CACNA1S: variants seen among roughly 807,000 people sequenced by gnomAD.
CACNA1S encodes calcium voltage-gated channel subunit alpha1 S.
A neutral mutation model predicts 207.4 loss-of-function variants in CACNA1S; 126 were observed. The ratio of observed to expected loss-of-function variants is 0.61; its 90% confidence interval spans 0.53 to 0.70. The LOEUF (loss-of-function observed/expected upper bound fraction) is 0.70. CACNA1S is among the 30% of genes least tolerant of loss of function. The probability of loss-of-function intolerance (pLI) is 0.00; values close to 1 mark genes in which losing one functional copy is unlikely to be tolerated. For synonymous variants in CACNA1S, 960 were observed against 932.7 expected (o/e 1.03, Z -0.53); for missense variants, 2,349 against 2,422.8 (o/e 0.97, Z 0.64).
At chr1:201,096,234 A>G (rs1371541973) in intron 2 of CACNA1S, among the ~76,000 whole-genome samples, 2 of 152,096 alleles carry the variant, frequency 1.3e-5, no homozygotes, top group African/African-American at 4.8e-5. Context: ...TCTTTCCACC[A>G]TACTCCCTCC....
At chr1:201,061,173 C>T in intron 25 of CACNA1S, 94 bp downstream of exon 25, 2 of 1,114,860 alleles carry the variant, frequency 1.8e-6, no homozygotes, top group Non-Finnish European at 2.7e-6. Flanking sequence ...TGGGGTCACC[C>T]TTAGGCCTCT....
intron 22 of CACNA1S, 118 bp downstream of exon 22, chr1:201,065,718 CAT>C: frequency 2.7e-6 from 2 of 732,640 alleles, no homozygotes; most frequent in Non-Finnish European, 5.0e-6. Flanking sequence ...AAAATATTCT[CAT>C]ATGGAAATCT....
intron 36 of CACNA1S, 137 bp downstream of exon 36, chr1:201,048,445 C>A: frequency 1.3e-6 from 1 of 753,780 alleles, no homozygotes. Flanking sequence ...GGACTTTGTG[C>A]CCATGGCCTG....
intron 37 of CACNA1S, 140 bp from the exon 38 acceptor site, chr1:201,047,379 C>A: frequency 1.5e-6 from 2 of 1,335,868 alleles, no homozygotes; most frequent in Non-Finnish European, 2.1e-6. Flanking sequence ...CACTTTCCAT[C>A]CTGAGGTTGG....
chr1:201,050,493 G>A lies in CACNA1S; in HGVS notation c.4137C>T (p.Val1379=), dbSNP rs1020685679. The change falls in exon 34 of 44, where the codon GTC becomes GTT. Residue 1379 remains valine (V), a synonymous_variant. Transcript: ENST00000362061. ...TGAGGTAGTCAAAATTGTCCATGAT[G>A]ACAGCCACAAAGAGGTTGATGACCT... The part of the protein sequence containing the change: ...AFLVINLFVA[V]IMDNFDYLTR... 2.5e-6 allele frequency: 4 copies of A among 1,614,024 alleles called. No homozygotes were observed. Among genetic ancestry groups the A allele is most frequent in the African/African-American group, 2.7e-5 (2 of 74,908 alleles).
chr1:201,107,529 G>A (rs998440909), intron 2 of CACNA1S, among the ~76,000 whole-genome samples: 1 of 152,240 alleles, frequency 6.6e-6, no homozygotes, highest in Non-Finnish European at 1.5e-5. Flanking sequence ...CCCAGTATGT[G>A]CCAGGGATGT....
chr1:201,073,929 T>C (rs1558069844), intron 14 of CACNA1S, among the ~76,000 whole-genome samples: 1 of 152,168 alleles, frequency 6.6e-6, no homozygotes, highest in Non-Finnish European at 1.5e-5. Flanking sequence ...ACTGGGTTTA[T>C]ACGAGATTCA....
chr1:201,088,883 G>A (rs1662124460), intron 6 of CACNA1S, among the ~76,000 whole-genome samples: 1 of 152,188 alleles, frequency 6.6e-6, no homozygotes, highest in African/African-American at 2.4e-5. Context: ...TAGTTATATG[G>A]GAAAGCAGTC....
chr1:201,076,613 C>T lies in CACNA1S; in HGVS notation c.1827+307G>A, dbSNP rs77927843. Among the ~76,000 whole-genome samples, 938 of 152,318 alleles carry T rather than the reference C, an allele frequency of 6.2e-3. 15 individuals carry two copies. Among genetic ancestry groups the T allele is most frequent in the African/African-American group, 0.021 (880 of 41,564 alleles). On this transcript the variant is annotated intron_variant, in intron 12 of 43. Coordinates refer to ENST00000362061, the MANE Select transcript of CACNA1S (RefSeq NM_000069.3). ...GAGACCTGAGTGGCACATGAAAGCA[C>T]GCATCCGGACTCCCAGGCCATCCCT... is the stretch of plus-strand genomic sequence containing the variant.
At position 201,110,181 on chromosome 1, in the gene CACNA1S, AGTT is replaced by A. The variant is rs775230434; in HGVS notation, c.238_240del (p.Asn80del). 6.8e-6 allele frequency: 11 copies of A among 1,614,100 alleles called. No homozygotes were observed. Among genetic ancestry groups the A allele is most frequent in the Non-Finnish European group, 7.6e-6 (9 of 1,179,982 alleles). On this transcript the variant is annotated inframe_deletion, in exon 2 of 44. Transcript: ENST00000362061. The stretch of plus-strand genomic sequence containing the variant: ...AATCTTACCAGGCCGAGGTTCAGAG[AGTT>A]GTTGTCATCTTCCGGCATGGGCAGG...
At position 201,093,914 on chromosome 1, in the gene CACNA1S, C is replaced by T; in HGVS notation, c.366G>A (p.Trp122Ter). 1 of 1,614,214 alleles carries T rather than the reference C, an allele frequency of 6.2e-7. No homozygotes were observed. The highest frequency in any genetic ancestry group is 8.5e-7 in the Non-Finnish European group (1 of 1,180,038). Residue 122 changes from tryptophan (W) to a stop codon, truncating the protein, a stop_gained, in exon 3 of 44, where the codon TGG (tryptophan) becomes TGA (stop). Transcript: ENST00000362061. LOFTEE classifies it high-confidence loss of function. ...AGACAATGGTGAAGTCCAGCACATT[C>T]CAGCCACTGCGCAGGTAAGCGTCCT... is the stretch of plus-strand genomic sequence containing the variant. ...FHQDAYLRSG[W>*]NVLDFTIVFL...
At position 201,092,025 on chromosome 1, in the gene CACNA1S, GC is replaced by G; in HGVS notation, c.487del (p.Ala163ProfsTer24). ...SSKGAGLDVK[A>X]LRAFRVLRPL... ...TCTGAGCACTCGGAAGGCTCTGAGG[GC>G]CTTGACATCCAAGCCGGCTCCTTTG... is the stretch of plus-strand genomic sequence containing the variant. On this transcript the variant is annotated frameshift_variant, in exon 4 of 44. Coordinates refer to ENST00000362061, the MANE Select transcript of CACNA1S (RefSeq NM_000069.3). LOFTEE classifies it high-confidence loss of function. 1 of 1,614,120 alleles carries G rather than the reference GC, an allele frequency of 6.2e-7. No homozygotes were observed. The highest frequency in any genetic ancestry group is 1.1e-5 in the South Asian group (1 of 91,074).
intron 26 of CACNA1S, among the ~76,000 whole-genome samples, chr1:201,060,164 A>G (rs1275833129): frequency 1.3e-5 from 2 of 152,186 alleles, no homozygotes; most frequent in African/African-American, 2.4e-5. Flanking sequence ...TAGTTACACC[A>G]TCCTATTTAT....
chr1:201,068,373 G>C (rs1348827007), intron 19 of CACNA1S, among the ~76,000 whole-genome samples: 1 of 148,354 alleles, frequency 6.7e-6, no homozygotes, highest in African/African-American at 2.5e-5. Flanking sequence ...CTCCTGAGTA[G>C]TTGGGATTAC....
intron 16 of CACNA1S, among the ~76,000 whole-genome samples, chr1:201,070,925 T>G (rs530275623): frequency 6.6e-6 from 1 of 152,282 alleles, no homozygotes; most frequent in Non-Finnish European, 1.5e-5. Context: ...TTAAAAATAG[T>G]AACTTCACAG....
At chr1:201,071,623 C>T (rs1323382357) in intron 16 of CACNA1S, among the ~76,000 whole-genome samples, 3 of 152,160 alleles carry the variant, frequency 2.0e-5, no homozygotes, top group African/African-American at 7.2e-5. Flanking sequence ...CCCACACCCC[C>T]TCTACCCCTC....
In CACNA1S at chr1:201,066,003, C is replaced by T; in HGVS notation, c.2746-58G>A. 7.8e-7 allele frequency: 1 copy of T among 1,288,368 alleles called. No homozygotes were observed. 79.8% of individuals were successfully genotyped at this position (1,288,368 alleles called of 1,614,324 possible). On this transcript the variant is annotated intron_variant, in intron 21 of 43. Coordinates refer to ENST00000362061, the MANE Select transcript of CACNA1S (RefSeq NM_000069.3). The surrounding 1 kb of genome is among the most constrained non-coding windows in gnomAD (Gnocchi z 4.3). ...TGCACCCACAGTAACCCTGCTAGCC[C>T]AGTTGAGGAAACCCCAGGAGTGCAA...
At chr1:201,076,742 G>T (rs571453820) in intron 12 of CACNA1S, among the ~76,000 whole-genome samples, 178 bp downstream of exon 12, 2 of 152,348 alleles carry the variant, frequency 1.3e-5, no homozygotes, top group South Asian at 4.1e-4. Flanking sequence ...AGACCCATAA[G>T]CAAGTGTTAC....
intron 23 of CACNA1S, 45 bp downstream of exon 23, chr1:201,062,417 C>T (rs1482213373): frequency 1.3e-6 from 2 of 1,585,496 alleles, no homozygotes; most frequent in South Asian, 2.2e-5. Flanking sequence ...TCCCACCATG[C>T]TCCCTGCCCC....
Sources: gnomAD v4.1 joint callset for allele counts (sites outside exome capture counted in the v4.1 genomes callset) on GRCh38, gnomAD v4.1.1 for gene constraint, Gnocchi (gnomAD v3.1) non-coding constraint, MANE v1.5 for transcripts, NCBI Gene and HGNC (gene_info 2026-07-23, HGNC 2026-07-21) for gene names.